The following NELL2 variants were observed in gnomAD, a reference collection of about 807,000 sequenced individuals.
NELL2 encodes the protein protein kinase C-binding protein NELL2.
Under a neutral mutation model 109.6 loss-of-function variants are expected in NELL2, and 41 were observed. The ratio of observed to expected loss-of-function variants is 0.37; its 90% CI spans 0.29 to 0.49. The LOEUF (loss-of-function observed/expected upper bound fraction) is 0.49. Ranked by LOEUF, NELL2 falls within the 20% of genes least tolerant of loss-of-function variation. NELL2 has a pLI of 0.98. For missense variants in NELL2, 900 were observed against 1,008.3 expected (o/e 0.89, Z 1.45); for synonymous variants, 355 against 344.7 (o/e 1.03, Z -0.33).
intron 19 of NELL2, among the ~76,000 whole-genome samples, chr12:44,511,142 G>T (rs1461735156): frequency 6.6e-6 from 1 of 152,200 alleles, no homozygotes; most frequent in African/African-American, 2.4e-5. Context: ...TTCCAGGAGT[G>T]TGTTGCTTAT....
intron 2 of NELL2, among the ~76,000 whole-genome samples, chr12:44,847,341 G>T (rs928762066): frequency 5.3e-5 from 8 of 152,072 alleles, no homozygotes; most frequent in Non-Finnish European, 8.8e-5. Flanking sequence ...AAACCAATCT[G>T]TACATTCCTT....
At chr12:44,686,872 G>T (rs545064003) in intron 12 of NELL2, among the ~76,000 whole-genome samples, 1 of 152,280 alleles carries the variant, frequency 6.6e-6, no homozygotes, top group South Asian at 2.1e-4. Flanking sequence ...CTTTTTGTTT[G>T]TCTGTGCCCT....
chr12:44,658,418 A>G (rs937258505), intron 13 of NELL2, among the ~76,000 whole-genome samples: 21 of 152,180 alleles, frequency 1.4e-4, no homozygotes, highest in Admixed American at 4.6e-4. Context: ...GGAAAACTAT[A>G]AACCACTGCT....
chr12:44,583,250 A>C (rs1355004251), intron 15 of NELL2, among the ~76,000 whole-genome samples: 1 of 152,238 alleles, frequency 6.6e-6, no homozygotes. Context: ...TGGAGGGTAT[A>C]AGATTCAAAG....
At chr12:44,716,918 CTT>C (rs991109034) in intron 9 of NELL2, among the ~76,000 whole-genome samples, 22 of 151,956 alleles carry the variant, frequency 1.4e-4, no homozygotes, top group African/African-American at 5.1e-4. Context: ...GTTTGAGACT[CTT>C]AATTCAGAAG....
chr12:44,726,141 T>C (rs925832126), intron 9 of NELL2, among the ~76,000 whole-genome samples: 2 of 152,036 alleles, frequency 1.3e-5, no homozygotes, highest in Non-Finnish European at 2.9e-5. Context: ...AAAATAACAG[T>C]AGATATACAC....
Position 44,791,100 on chromosome 12 carries a change from T to TATATATACACAC in NELL2, c.336-11079_336-11078insGTGTGTATATAT, listed in dbSNP as rs1566403994. Reference sequence around the variant, plus strand: ...ATATATACATATATATATATATGTATATATATATGTATATATATATGTATA... The same window carrying TATATATACACAC: ...ATATATACATATATATATATATGTATATATATACACACATATATATGTATATATATATGTATA... On this transcript the variant is annotated intron_variant, in intron 3 of 19. Coordinates refer to ENST00000429094, the MANE Select transcript of NELL2 (RefSeq NM_001145108.2). 1.2e-4 allele frequency among the ~76,000 whole-genome samples: 3 copies of TATATATACACAC among 24,842 alleles called. No homozygotes were observed. In the East Asian group the frequency reaches 1.7e-3, roughly 14 times the overall value. The allele number at this position is 24,842 out of a possible 152,430, so 16.3% of individuals were successfully genotyped here. A position where few individuals can be genotyped will look rare whatever the true frequency, so the allele number is the denominator to read the frequency against.
chr12:44,825,390 CCTTT>C (rs1357459483), intron 2 of NELL2, among the ~76,000 whole-genome samples: 2 of 127,222 alleles, frequency 1.6e-5, no homozygotes, highest in Non-Finnish European at 3.3e-5. Context: ...TTATTCATTT[CCTTT>C]TTTTTTTTTT....
chr12:44,513,994 T>C (rs1941133769), intron 19 of NELL2, among the ~76,000 whole-genome samples: 1 of 145,016 alleles, frequency 6.9e-6, no homozygotes, highest in African/African-American at 2.5e-5. Context: ...ATAGTCAAAC[T>C]ACTAAAAACA....
intron 15 of NELL2, among the ~76,000 whole-genome samples, chr12:44,559,657 A>G (rs977076714): frequency 6.6e-6 from 1 of 152,214 alleles, no homozygotes; most frequent in East Asian, 1.9e-4. Context: ...CACCCAATAC[A>G]GGAGCACCCA....
chr12:44,517,171 C>A, intron 19 of NELL2, among the ~76,000 whole-genome samples: 1 of 151,704 alleles, frequency 6.6e-6, no homozygotes, highest in South Asian at 2.1e-4. Context: ...ATAATGTTTT[C>A]TTCCTCCATT....
At chr12:44,915,155 A>G (rs1945819385), upstream of NELL2, among the ~76,000 whole-genome samples, 1 of 152,334 alleles carries the variant, frequency 6.6e-6, no homozygotes, top group Admixed American at 6.5e-5. Context: ...CTGGCCAAAA[A>G]GAAACTTTTA....
chr12:44,698,853 TCA>T (rs1949137418), intron 12 of NELL2, among the ~76,000 whole-genome samples: 1 of 152,134 alleles, frequency 6.6e-6, no homozygotes, highest in Admixed American at 6.6e-5. Flanking sequence ...GATAGGAAAA[TCA>T]CAGTTTGGAA....
At chr12:44,884,411 T>G (rs535056301) in intron 1 of NELL2, among the ~76,000 whole-genome samples, 1 of 152,040 alleles carries the variant, frequency 6.6e-6, no homozygotes, top group Non-Finnish European at 1.5e-5. Context: ...TACATTCCTC[T>G]TTCATAATCA....
At position 44,693,366 on chromosome 12, in the gene NELL2, G is replaced by A. The variant is rs1337764253; in HGVS notation, c.1318+10360C>T. On this transcript the variant is annotated intron_variant, in intron 12 of 19. Coordinates refer to ENST00000429094, the MANE Select transcript of NELL2 (RefSeq NM_001145108.2). ...GTAAATATAACTTTTATATGCACTG[G>A]GAGACAAAACAGTCTATATGACTTG... Among the ~76,000 whole-genome samples, 4 of 152,108 alleles carry A rather than the reference G, an allele frequency of 2.6e-5. No homozygotes were observed. The East Asian group carries it at 7.7e-4, about 29-fold the overall frequency.
chr12:44,890,128 T>G (rs904469661), intron 1 of NELL2, among the ~76,000 whole-genome samples: 22 of 152,162 alleles, frequency 1.4e-4, no homozygotes, highest in African/African-American at 5.3e-4. Flanking sequence ...TAGAGTTCCG[T>G]CACTCTGCTA....
intron 17 of NELL2, chr12:44,522,825 T>C (rs1456127918): frequency 6.3e-6 from 1 of 158,590 alleles, no homozygotes; most frequent in Non-Finnish European, 1.4e-5. Context: ...TCAAACATGA[T>C]ACTGTGACTA....
intron 12 of NELL2, among the ~76,000 whole-genome samples, chr12:44,672,494 A>G (rs1395620177): frequency 6.6e-6 from 1 of 151,990 alleles, no homozygotes; most frequent in African/African-American, 2.4e-5. Context: ...TGTGTTCCAC[A>G]AAACCAGTCC....
At chr12:44,629,206 A>G (rs528122797) in intron 13 of NELL2, among the ~76,000 whole-genome samples, 12 of 152,346 alleles carry the variant, frequency 7.9e-5, no homozygotes, top group African/African-American at 2.9e-4. Context: ...CAGTTCCAGC[A>G]TTCTAATAGA....
Sources: gnomAD v4.1 joint callset for allele counts (sites outside exome capture counted in the v4.1 genomes callset) on GRCh38, gnomAD v4.1.1 for gene constraint, MANE v1.5 for transcripts, NCBI Gene and HGNC (gene_info 2026-07-23, HGNC 2026-07-21) for gene names.